The following CERKL variants were observed in gnomAD, a reference collection of about 807,000 sequenced individuals.
CERKL encodes the protein ceramide kinase-like protein.
Under a neutral mutation model 63.4 loss-of-function variants are expected in CERKL, and 61 were observed. The observed-to-expected ratio is 0.96, with a 90% CI of 0.78 to 1.19. The LOEUF (loss-of-function observed/expected upper bound fraction) is 1.19. Among genes scored for constraint, CERKL ranks in the 50% most tolerant of loss-of-function variants. The pLI is 0.00. For synonymous variants in CERKL, 250 were observed against 230.5 expected (o/e 1.08, Z -0.77); for missense variants, 675 against 655.5 (o/e 1.03, Z -0.33).
At chr2:181,585,854 C>T (rs530088302) in intron 2 of CERKL, among the ~76,000 whole-genome samples, 1 of 152,276 alleles carries the variant, frequency 6.6e-6, no homozygotes, top group African/African-American at 2.4e-5. Flanking sequence ...AAGCAGCAGC[C>T]CGTATGACAC....
At chr2:181,595,624 A>G (rs1685173198) in intron 2 of CERKL, among the ~76,000 whole-genome samples, 1 of 152,162 alleles carries the variant, frequency 6.6e-6, no homozygotes, top group African/African-American at 2.4e-5. Context: ...ACATGTACAG[A>G]TTTATTCCCA....
chr2:181,569,735 C>T (rs1164696933), intron 3 of CERKL, among the ~76,000 whole-genome samples: 1 of 152,098 alleles, frequency 6.6e-6, no homozygotes, highest in Non-Finnish European at 1.5e-5. Context: ...GATGGAAGTA[C>T]CTATCGTGAA....
At chr2:181,621,606 T>G (rs182576558) in intron 1 of CERKL, among the ~76,000 whole-genome samples, 1 of 151,660 alleles carries the variant, frequency 6.6e-6, no homozygotes, top group Admixed American at 6.6e-5. Context: ...TCCATGCCTT[T>G]CATCATAACA....
intron 1 of CERKL, among the ~76,000 whole-genome samples, chr2:181,650,273 A>T (rs1332875658): frequency 2.0e-5 from 3 of 152,256 alleles, no homozygotes; most frequent in African/African-American, 7.2e-5. Context: ...TGGGTCAGTG[A>T]AGAAATTAAA....
intron 4 of CERKL, among the ~76,000 whole-genome samples, chr2:181,560,681 G>C (rs1393933524): frequency 6.6e-6 from 1 of 152,064 alleles, no homozygotes; most frequent in Non-Finnish European, 1.5e-5. Context: ...TGTACCACTA[G>C]TAAGTAATAG....
chr2:181,588,610 C>T (rs1057513125), intron 2 of CERKL, among the ~76,000 whole-genome samples: 1 of 152,150 alleles, frequency 6.6e-6, no homozygotes, highest in Non-Finnish European at 1.5e-5. Context: ...TATTCCCAGT[C>T]GTGGAATTGC....
In CERKL at chr2:181,604,009, C is replaced by G; in HGVS notation, c.309G>C (p.Leu103=). The part of the protein sequence containing the change: ...IELKDIFSVK[L]KRRCSVKQQR... Reference sequence around the variant, plus strand: ...GCTGTTTAACAGAACAACGCCGTTTCAGTTTCACAGAGAATATGTCTTTGA... The same window carrying G: ...GCTGTTTAACAGAACAACGCCGTTTGAGTTTCACAGAGAATATGTCTTTGA... The change falls in exon 2 of 13, where the codon CTG becomes CTC. Residue 103 remains leucine, a synonymous_variant. Transcript: ENST00000410087. 3 of 1,612,530 alleles carry G rather than the reference C, an allele frequency of 1.9e-6. No individual in the cohort carries two copies. Among genetic ancestry groups the G allele is most frequent in the Non-Finnish European group, 2.5e-6 (3 of 1,178,986 alleles).
chr2:181,594,765 A>G (rs1207009989), intron 2 of CERKL, among the ~76,000 whole-genome samples: 1 of 152,234 alleles, frequency 6.6e-6, no homozygotes, highest in Non-Finnish European at 1.5e-5. Context: ...GGAGAAAAAA[A>G]TGGTTGATTT....
intron 5 of CERKL, 93 bp from the exon 6 acceptor site, chr2:181,549,801 T>C: frequency 1.2e-6 from 1 of 834,094 alleles, no homozygotes; most frequent in Non-Finnish European, 2.1e-6. Context: ...TTCTTCAATG[T>C]TCAGATGAAA....
At chr2:181,624,801 G>GT (rs1262656107) in intron 1 of CERKL, among the ~76,000 whole-genome samples, 1 of 152,276 alleles carries the variant, frequency 6.6e-6, no homozygotes, top group East Asian at 1.9e-4. Context: ...GAATAATGAA[G>GT]TTCCCACTTA....
At chr2:181,633,693 T>C (rs1687060856) in intron 1 of CERKL, among the ~76,000 whole-genome samples, 1 of 152,206 alleles carries the variant, frequency 6.6e-6, no homozygotes, top group Non-Finnish European at 1.5e-5. Context: ...TCTCAATTGT[T>C]GCTTTTCAGT....
chr2:181,578,023 G>A (rs1040319912), intron 2 of CERKL, among the ~76,000 whole-genome samples: 14 of 152,186 alleles, frequency 9.2e-5, no homozygotes, highest in Admixed American at 2.0e-4. Context: ...AGAAACCCAC[G>A]CTCATGCTAG....
intron 1 of CERKL, chr2:181,650,191 A>T (rs1687866669): frequency 6.6e-6 from 1 of 152,150 alleles, no homozygotes; most frequent in South Asian, 2.1e-4. Context: ...AAAAGAAATA[A>T]ACTAGAAATC....
Position 181,537,617 on chromosome 2 carries a change from A to G in CERKL, c.*567T>C, listed in dbSNP as rs10490690. The G allele has an allele frequency of 2.5e-3, 1,060 of 430,388 alleles. 25 individuals carry two copies. In the East Asian group the frequency reaches 0.053, roughly 22 times the overall value. 26.7% of individuals were successfully genotyped at this position (430,388 alleles called of 1,614,324 possible). ...TGTAACAGAATATAGGAAATTTAAC[A>G]TAATTGATGAGCTCAAATCCTGAAA... On this transcript the variant is annotated 3_prime_UTR_variant, in exon 13 of 13. Transcript: ENST00000410087.
intron 5 of CERKL, among the ~76,000 whole-genome samples, chr2:181,551,038 C>T (rs1687961760): frequency 6.6e-6 from 1 of 152,000 alleles, no homozygotes; most frequent in Non-Finnish European, 1.5e-5. Flanking sequence ...TGTCTTGTTC[C>T]TCAAGAAGAC....
chr2:181,586,227 T>C (rs1684757768), intron 2 of CERKL, among the ~76,000 whole-genome samples: 1 of 152,128 alleles, frequency 6.6e-6, no homozygotes, highest in Non-Finnish European at 1.5e-5. Flanking sequence ...CTAACCCTCT[T>C]GACTAAACAA....
chr2:181,581,101 T>C (rs1389391872), intron 2 of CERKL, among the ~76,000 whole-genome samples: 1 of 152,202 alleles, frequency 6.6e-6, no homozygotes, highest in Non-Finnish European at 1.5e-5. Context: ...TTTCTCCCAA[T>C]AATCAAAATT....
chr2:181,543,636 C>G (rs1442914571), intron 11 of CERKL, among the ~76,000 whole-genome samples: 1 of 152,086 alleles, frequency 6.6e-6, no homozygotes, highest in Non-Finnish European at 1.5e-5. Context: ...GGTTTACTCT[C>G]CTCCTCCTCC....
chr2:181,652,170 A>AT (rs780661501), intron 1 of CERKL, among the ~76,000 whole-genome samples: 1 of 136,380 alleles, frequency 7.3e-6, no homozygotes, highest in Non-Finnish European at 1.5e-5. Context: ...ATGCAGAACC[A>AT]CAAAAAAAAC....
Sources: allele counts gnomAD v4.1 joint callset (sites outside exome capture counted in the v4.1 genomes callset), GRCh38; gene constraint gnomAD v4.1.1; transcripts MANE v1.5; gene names NCBI Gene and HGNC (gene_info 2026-07-23, HGNC 2026-07-21).